The following GALNT2 variants were observed in gnomAD, a reference collection of about 807,000 sequenced individuals.
GALNT2 encodes polypeptide N-acetylgalactosaminyltransferase 2.
A neutral mutation model predicts 81.4 loss-of-function variants in GALNT2; 31 were observed. The ratio of observed to expected loss-of-function variants is 0.38; its 90% CI spans 0.29 to 0.51. The LOEUF (loss-of-function observed/expected upper bound fraction) is 0.51, where lower values mean the gene tolerates loss of function less well. Among genes scored for constraint, GALNT2 ranks in the 20% least tolerant of loss-of-function variants. The probability of loss-of-function intolerance (pLI) is 0.87; values close to 1 mark genes in which losing one functional copy is unlikely to be tolerated. For synonymous variants in GALNT2, 303 were observed against 287.4 expected, an observed-to-expected ratio of 1.05 and a Z score of -0.55; for missense variants, 629 against 765.7, an observed-to-expected ratio of 0.82 and a Z score of 2.11.
rs185967015 is a variant in GALNT2, at chr1:230,089,087, C to T, written c.126+21681C>T. On this transcript the variant is annotated intron_variant, in intron 1 of 15. Transcript: ENST00000366672. ...AGTGGCATGTATCAACTTTCCCCCC[C>T]GACAGTTTTTATTATGGTAAAATAC... Among the ~76,000 whole-genome samples the T allele has an allele frequency of 1.4e-3, 210 of 152,070 alleles. 1 individual carries two copies. The highest frequency in any genetic ancestry group is 4.6e-3 in the African/African-American group (189 of 41,472).
chr1:230,170,033 C>T (rs1190940390), intron 1 of GALNT2, among the ~76,000 whole-genome samples: 1 of 152,176 alleles, frequency 6.6e-6, no homozygotes, highest in African/African-American at 2.4e-5. Context: ...TTATATTGGC[C>T]AGGGCAGGAA....
chr1:230,095,834 G>C (rs1660239811), intron 1 of GALNT2, among the ~76,000 whole-genome samples: 1 of 152,242 alleles, frequency 6.6e-6, no homozygotes, highest in Non-Finnish European at 1.5e-5. Context: ...GCTGGAGAAA[G>C]AAACCGTGTG....
chr1:230,279,412 C>G lies in GALNT2; in HGVS notation c.1670C>G (p.Pro557Arg). 1 of 1,614,094 alleles carries G rather than the reference C, an allele frequency of 6.2e-7. No individual in the cohort carries two copies. The highest frequency in any genetic ancestry group is 8.5e-7 in the Non-Finnish European group (1 of 1,180,022). ...SGGLSVEVCG[P>R]ALSQQWKFTL... ...GGCCTAAGCGTGGAGGTGTGTGGCC[C>G]GGCCCTTTCGCAGCAGTGGAAGTTC... The change falls in exon 16 of 16, where the codon CCG (proline) becomes CGG (arginine). Residue 557 changes from proline (P) to arginine (R), a missense_variant. By Grantham distance (103) the Pro-to-Arg change is moderately radical. This residue lies in a region of GALNT2 where 207 missense variants were observed against 225.5 expected (regional missense o/e 0.92). Transcript: ENST00000366672. The surrounding 1 kb of genome is among the most constrained non-coding windows in gnomAD (Gnocchi z 4.6).
chr1:230,182,731 A>G (rs1366906236), intron 2 of GALNT2, among the ~76,000 whole-genome samples: 1 of 152,198 alleles, frequency 6.6e-6, no homozygotes, highest in African/African-American at 2.4e-5. Context: ...TAGTCTATAG[A>G]TATCAATTAT....
intron 1 of GALNT2, among the ~76,000 whole-genome samples, chr1:230,116,677 CA>C (rs1392596792): frequency 1.3e-5 from 2 of 152,170 alleles, no homozygotes; most frequent in African/African-American, 4.8e-5. Context: ...GGTGTGTCAT[CA>C]GTGATCAGTA....
chr1:230,254,739 T>G (rs1665654592), intron 10 of GALNT2, among the ~76,000 whole-genome samples: 2 of 152,248 alleles, frequency 1.3e-5, no homozygotes, highest in South Asian at 4.1e-4. Flanking sequence ...AAAGCTTAAT[T>G]GTACATATTT....
At chr1:230,173,451 T>G (rs1278899529) in intron 1 of GALNT2, among the ~76,000 whole-genome samples, 1 of 152,232 alleles carries the variant, frequency 6.6e-6, no homozygotes, top group Non-Finnish European at 1.5e-5. Flanking sequence ...GTAATCATTC[T>G]GCATTCACTG....
At chr1:230,173,735 C>A (rs611841) in intron 1 of GALNT2, among the ~76,000 whole-genome samples, 34,597 of 152,134 alleles carry the variant, frequency 0.23, 4,709 homozygotes, top group East Asian at 0.38. Flanking sequence ...GGCGCAAGAG[C>A]CTTCTTCATA....
At chr1:230,262,480 G>C (rs1665907053) in intron 11 of GALNT2, 93 bp from the exon 12 acceptor site, 2 of 1,060,600 alleles carry the variant, frequency 1.9e-6, no homozygotes, top group Admixed American at 1.8e-5. Context: ...CCCAGAGGGA[G>C]CCGCCTCAGT....
intron 1 of GALNT2, among the ~76,000 whole-genome samples, chr1:230,164,573 G>A (rs1214608173): frequency 1.3e-5 from 2 of 150,058 alleles, no homozygotes. Context: ...TCACTCTGTC[G>A]CCCAGGCTGG....
Position 230,279,811 on chromosome 1 carries a change from G to A in GALNT2, c.*353G>A, listed in dbSNP as rs570418232. 97 of 487,904 alleles carry A rather than the reference G, an allele frequency of 2.0e-4. 1 individual carries two copies. Among genetic ancestry groups the A allele is most frequent in the South Asian group, 1.5e-3 (96 of 64,772 alleles). The allele number at this position is 487,904 out of a possible 1,614,324, so 30.2% of individuals were successfully genotyped here. On this transcript the variant is annotated 3_prime_UTR_variant, in exon 16 of 16. Transcript: ENST00000366672. The surrounding 1 kb of genome is among the most constrained non-coding windows in gnomAD (Gnocchi z 4.6). ...GCAACTGAACGGATGCGTGCGAGCT[G>A]AGGACAGGGCGGGAGGAGGGGGCAC... is the stretch of plus-strand genomic sequence containing the variant.
chr1:230,058,034 G>T, exon 1 of GALNT2: 1 of 456,264 alleles, frequency 2.2e-6, no homozygotes, highest in Non-Finnish European at 4.4e-6. Flanking sequence ...CATCTATGTG[G>T]AATGTGGACA....
At chr1:230,209,279 A>G (rs989702204) in intron 3 of GALNT2, among the ~76,000 whole-genome samples, 17 of 152,142 alleles carry the variant, frequency 1.1e-4, no homozygotes, top group Admixed American at 9.8e-4. Context: ...TTGAAGTCCC[A>G]AACCCCAGAG....
intron 1 of GALNT2, among the ~76,000 whole-genome samples, chr1:230,140,551 A>G (rs1661698272): frequency 6.6e-6 from 1 of 152,134 alleles, no homozygotes; most frequent in African/African-American, 2.4e-5. Flanking sequence ...AACCGGGAGT[A>G]CTGTCAGTGG....
chr1:230,121,271 G>A (rs1211258813), intron 1 of GALNT2, among the ~76,000 whole-genome samples: 2 of 152,246 alleles, frequency 1.3e-5, no homozygotes, highest in South Asian at 2.1e-4. Flanking sequence ...TGAAGGCTTT[G>A]TATGGGTCCC....
At chr1:230,067,211 A>T (rs971139760), upstream of GALNT2, 7 of 1,026,680 alleles carry the variant, frequency 6.8e-6, no homozygotes, top group Middle Eastern at 3.8e-4. Flanking sequence ...CCCGGCCCCC[A>T]CCGCGCCCGC....
At chr1:230,120,413 G>A (rs1188851831) in intron 1 of GALNT2, among the ~76,000 whole-genome samples, 1 of 152,158 alleles carries the variant, frequency 6.6e-6, no homozygotes, top group African/African-American at 2.4e-5. Flanking sequence ...TTCCCGAGAA[G>A]AGGGCAGTCC....
chr1:230,094,364 C>T (rs1312991773), intron 1 of GALNT2, among the ~76,000 whole-genome samples: 2 of 152,044 alleles, frequency 1.3e-5, no homozygotes, highest in South Asian at 4.2e-4. Context: ...CAGCTCATGC[C>T]TGTAATCCCA....
rs1181889793 is a variant in GALNT2 at position 230,271,595 on chromosome 1, C to T, written c.1441-2850C>T. ...GTCTGACTGTAAATCAGGGCTCCCGCGACCTCGCCTTGAATTCATTCATTT... is the reference window on the plus strand; with the variant it reads ...GTCTGACTGTAAATCAGGGCTCCCGTGACCTCGCCTTGAATTCATTCATTT... On this transcript the variant is annotated intron_variant, in intron 14 of 15. Coordinates refer to ENST00000366672, the MANE Select transcript of GALNT2 (RefSeq NM_004481.5). The surrounding 1 kb of genome is among the most constrained non-coding windows in gnomAD (Gnocchi z 4.2). 2.6e-5 allele frequency among the ~76,000 whole-genome samples: 4 copies of T among 152,260 alleles called. No homozygotes were observed. Among genetic ancestry groups the T allele is most frequent in the East Asian group, 1.9e-4 (1 of 5,204 alleles).
Sources: allele counts gnomAD v4.1 joint callset (sites outside exome capture counted in the v4.1 genomes callset), GRCh38; gene constraint gnomAD v4.1.1; regional missense constraint gnomAD v4.1.1; non-coding constraint Gnocchi (gnomAD v3.1); transcripts MANE v1.5; gene names NCBI Gene and HGNC (gene_info 2026-07-23, HGNC 2026-07-21).